HMCN1: variants seen among roughly 807,000 people sequenced by gnomAD.
HMCN1 encodes hemicentin-1.
HMCN1 carries 321 observed loss-of-function variants against 625.9 expected under a neutral mutation model. The observed-to-expected ratio is 0.51, with a 90% CI of 0.47 to 0.56. The LOEUF is 0.56. Ranked by LOEUF, HMCN1 falls within the 20% of genes least tolerant of loss-of-function variation. The pLI, the probability that HMCN1 is intolerant of heterozygous loss-of-function variation, is 0.00. For missense variants in HMCN1, 6,588 were observed against 6,887.3 expected (o/e 0.96, Z 1.54); for synonymous variants, 2,425 against 2,417.6 (o/e 1.00, Z -0.09).
intron 67 of HMCN1, among the ~76,000 whole-genome samples, chr1:186,094,666 A>T (rs1660032211): frequency 6.6e-6 from 1 of 152,162 alleles, no homozygotes; most frequent in African/African-American, 2.4e-5. Flanking sequence ...GTAAAGAAAA[A>T]GTCAAAACTT....
Position 186,113,937 on chromosome 1 carries a change from A to G in HMCN1, c.11132-42A>G, listed in dbSNP as rs202114563. On this transcript the variant is annotated intron_variant, in intron 72 of 106. Coordinates refer to ENST00000271588, the MANE Select transcript of HMCN1 (RefSeq NM_031935.3). ...TCAGGGTCTTCATGCAGGCTGTATT[A>G]TTTAGTCTCACTGAATTTTTTCATG... is the stretch of plus-strand genomic sequence containing the variant. 154 of 1,611,124 alleles carry G rather than the reference A, an allele frequency of 9.6e-5. 1 individual carries two copies. In the African/African-American group the frequency reaches 1.9e-3, roughly 20 times the overall value.
At position 185,773,869 on chromosome 1, in the gene HMCN1, C is replaced by T. The variant is rs190100268; in HGVS notation, c.268+38822C>T. Reference sequence around the variant, plus strand: ...GTGACAGGTGCAGTTATGGAATTGGCGATCTAGTCCAATCAGAGCTTGGAG... The same window carrying T: ...GTGACAGGTGCAGTTATGGAATTGGTGATCTAGTCCAATCAGAGCTTGGAG... On this transcript the variant is annotated intron_variant, in intron 1 of 106. Transcript: ENST00000271588. 2.4e-3 allele frequency among the ~76,000 whole-genome samples: 358 copies of T among 152,074 alleles called. 4 individuals carry two copies. Among genetic ancestry groups the T allele is most frequent in the Non-Finnish European group, 1.2e-3 (80 of 67,976 alleles).
At chr1:186,045,601 G>T in intron 40 of HMCN1, 87 bp from the exon 41 acceptor site, 1 of 976,018 alleles carries the variant, frequency 1.0e-6, no homozygotes, top group South Asian at 1.3e-5. Context: ...AACCAATAAA[G>T]GTATTCAGTA....
chr1:186,070,380 A>G (rs1000798094), intron 51 of HMCN1, among the ~76,000 whole-genome samples: 1 of 152,214 alleles, frequency 6.6e-6, no homozygotes. Flanking sequence ...TGTAAAGGAC[A>G]TTAGCTTTAT....
At chr1:186,015,073 C>A in intron 30 of HMCN1, 86 bp from the exon 31 acceptor site, 1 of 1,169,812 alleles carries the variant, frequency 8.5e-7, no homozygotes, top group Non-Finnish European at 1.3e-6. Flanking sequence ...ACTTTAAATG[C>A]ATTGTTTAAA....
chr1:186,025,954 C>A (rs1402622722), intron 36 of HMCN1, among the ~76,000 whole-genome samples: 1 of 152,168 alleles, frequency 6.6e-6, no homozygotes, highest in Non-Finnish European at 1.5e-5. Context: ...CAGTTCATCT[C>A]CCTGAAGGGA....
intron 68 of HMCN1, among the ~76,000 whole-genome samples, chr1:186,096,319 C>T (rs1375490255): frequency 2.0e-5 from 3 of 152,082 alleles, no homozygotes; most frequent in Non-Finnish European, 4.4e-5. Context: ...CTGCTTCATC[C>T]CTAGTTAAGC....
chr1:185,892,005 C>T (rs1011178716), intron 4 of HMCN1, among the ~76,000 whole-genome samples: 14 of 151,498 alleles, frequency 9.2e-5, no homozygotes, highest in African/African-American at 2.0e-4. Context: ...AGGTTTTGCT[C>T]GTTTCTTTTT....
At chr1:185,980,128 G>A (rs74134248) in intron 16 of HMCN1, among the ~76,000 whole-genome samples, 4,674 of 151,994 alleles carry the variant, frequency 0.031, 250 homozygotes, top group African/African-American at 0.11. Context: ...TTATTTTAAT[G>A]TCTAACACAT....
rs551946407 is a variant in HMCN1 at position 185,891,440 on chromosome 1, C to T, written c.622-17897C>T. On this transcript the variant is annotated intron_variant, in intron 4 of 106. Coordinates refer to ENST00000271588, the MANE Select transcript of HMCN1 (RefSeq NM_031935.3). The stretch of plus-strand genomic sequence containing the variant: ...TTTACATTTTGGCATGATTTTGCAG[C>T]GGCTGGTACCGGTTGTTCCTTTCAT... 8.3e-4 allele frequency among the ~76,000 whole-genome samples: 123 copies of T among 148,330 alleles called. 1 individual carries two copies. Among genetic ancestry groups the T allele is most frequent in the South Asian group, 4.2e-4 (2 of 4,808 alleles).
In HMCN1 at chr1:186,178,505, C is replaced by T; in HGVS notation, c.16033C>T (p.Gln5345Ter). ...GSFKCICPPG[Q>*]HLLGDGKSCA... ...CTTCAAGTGTATCTGTCCACCAGGA[C>T]AACATTTATTAGGGGACGGGAAATC... The change falls in exon 104 of 107, where the codon CAA becomes TAA. Residue 5345 changes from glutamine to a stop codon, truncating the protein, a stop_gained. Transcript: ENST00000271588. LOFTEE classifies it high-confidence loss of function. 6.2e-7 allele frequency: 1 copy of T among 1,613,984 alleles called. No homozygotes were observed. The highest frequency in any genetic ancestry group is 8.5e-7 in the Non-Finnish European group (1 of 1,179,938).
In HMCN1 at chr1:186,055,426, C is replaced by T. The variant is rs763493876; in HGVS notation, c.6896C>T (p.Pro2299Leu). 1.9e-6 allele frequency: 3 copies of T among 1,612,646 alleles called. No individual in the cohort carries two copies. Among genetic ancestry groups the T allele is most frequent in the Non-Finnish European group, 2.5e-6 (3 of 1,179,100 alleles). Reference protein sequence around the residue: ...RPTITNSGSHPTEIIVTRGKS... With the variant: ...RPTITNSGSHLTEIIVTRGKS... Reference sequence around the variant, plus strand: ...ACCATAACCAACAGTGGCAGCCACCCTACTGAAATTATTGTGACCCGAGGG... The same window carrying T: ...ACCATAACCAACAGTGGCAGCCACCTTACTGAAATTATTGTGACCCGAGGG... Residue 2299 changes from proline to leucine, a missense_variant, in exon 45 of 107, where the codon CCT (proline) becomes CTT (leucine). Around this residue, in one of 3 missense-constraint regions of HMCN1, gnomAD observed 4,628 missense variants for 4,853.1 expected, o/e 0.95. Coordinates refer to ENST00000271588, the MANE Select transcript of HMCN1 (RefSeq NM_031935.3).
rs1239014544 is a variant in HMCN1 at position 185,814,602 on chromosome 1, T to G, written c.269-31424T>G. ...GGGGAGTTACTTGGTAATGAAGGCA[T>G]CTATTTTATATTTCCTATTTATTGT... On this transcript the variant is annotated intron_variant, in intron 1 of 106. Coordinates refer to ENST00000271588, the MANE Select transcript of HMCN1 (RefSeq NM_031935.3). Among the ~76,000 whole-genome samples, 5 of 140,336 alleles carry G rather than the reference T, an allele frequency of 3.6e-5. 1 individual carries two copies. The highest frequency in any genetic ancestry group is 1.6e-4 in the African/African-American group (5 of 30,672). The allele number at this position is 140,336 out of a possible 152,430, so 92.1% of individuals were successfully genotyped here. A position where few individuals can be genotyped will look rare whatever the true frequency, so the allele number is the denominator to read the frequency against.
rs181929966 is a variant in HMCN1 at position 186,109,118 on chromosome 1, G to A, written c.10989+521G>A. Among the ~76,000 whole-genome samples the A allele has an allele frequency of 1.5e-4, 23 of 152,286 alleles. No individual in the cohort carries two copies. In the South Asian group the frequency reaches 3.7e-3, roughly 25 times the overall value. On this transcript the variant is annotated intron_variant, in intron 71 of 106. Coordinates refer to ENST00000271588, the MANE Select transcript of HMCN1 (RefSeq NM_031935.3). ...TGATACCTACCTGCTGTCATACAGCGTCAAAGGCCAGGATCCTCAGCAGCC... is the reference window on the plus strand; with the variant it reads ...TGATACCTACCTGCTGTCATACAGCATCAAAGGCCAGGATCCTCAGCAGCC...
intron 83 of HMCN1, 36 bp from the exon 84 acceptor site, chr1:186,129,930 C>T: frequency 1.2e-6 from 2 of 1,611,492 alleles, no homozygotes; most frequent in Admixed American, 1.7e-5. Flanking sequence ...TCCTAGGTTA[C>T]TGAGAGGCAC....
Position 186,087,207 on chromosome 1 carries a change from TTACC to T in HMCN1, c.9047-6_9047-3del. The T allele has an allele frequency of 6.4e-7, 1 of 1,567,556 alleles. No individual in the cohort carries two copies. Among genetic ancestry groups the T allele is most frequent in the Non-Finnish European group, 8.8e-7 (1 of 1,138,078 alleles). The stretch of plus-strand genomic sequence containing the variant: ...TACCACTCTACAATTTGCATTCTAT[TTACC>T]TACAGGTGGTCGAACTCTACAGATT... On this transcript the variant is annotated splice_region_variant and splice_polypyrimidine_tract_variant and intron_variant, in intron 58 of 106. Transcript: ENST00000271588.
chr1:185,977,257 A>C (rs1651280878), intron 15 of HMCN1, among the ~76,000 whole-genome samples: 1 of 152,102 alleles, frequency 6.6e-6, no homozygotes, highest in Non-Finnish European at 1.5e-5. Flanking sequence ...AAAAATGTGA[A>C]AGGTATGAGA....
intron 75 of HMCN1, among the ~76,000 whole-genome samples, chr1:186,116,459 C>T (rs1034800070): frequency 2.0e-5 from 3 of 151,200 alleles, no homozygotes; most frequent in Admixed American, 6.6e-5. Flanking sequence ...TAGATATTGC[C>T]ATATTATCTA....
At chr1:186,127,858 AATG>A (rs1290950057) in intron 82 of HMCN1, among the ~76,000 whole-genome samples, 1 of 152,130 alleles carries the variant, frequency 6.6e-6, no homozygotes, top group African/African-American at 2.4e-5. Context: ...ACCACTGTAA[AATG>A]ATTATTGTTC....
Sources: allele counts gnomAD v4.1 joint callset (sites outside exome capture counted in the v4.1 genomes callset), GRCh38; gene constraint gnomAD v4.1.1; regional missense constraint gnomAD v4.1.1; transcripts MANE v1.5; gene names NCBI Gene and HGNC (gene_info 2026-07-23, HGNC 2026-07-21).